The following TBATA variants were observed in gnomAD, a reference collection of about 807,000 sequenced individuals.
TBATA encodes thymus, brain and testes associated.
Under a neutral mutation model 38.7 loss-of-function variants are expected in TBATA, and 47 were observed. That is an observed-to-expected ratio of 1.21 (90% CI 0.96 to 1.55). The LOEUF (loss-of-function observed/expected upper bound fraction) is 1.55. Ranked by LOEUF, TBATA falls within the 40% of genes most tolerant of loss-of-function variation. The probability of loss-of-function intolerance (pLI) is 0.00; values close to 1 mark genes in which losing one functional copy is unlikely to be tolerated. For synonymous variants in TBATA, 183 were observed against 170.5 expected, an observed-to-expected ratio of 1.07 and a Z score of -0.57; for missense variants, 436 against 435.6, an observed-to-expected ratio of 1.00 and a Z score of -0.01.
intron 6 of TBATA, 43 bp from the exon 7 acceptor site, chr10:70,777,381 G>A: frequency 1.3e-6 from 2 of 1,577,598 alleles, no homozygotes; most frequent in South Asian, 1.1e-5. Context: ...TCAGCAAGAG[G>A]GGAGGAAGAG....
chr10:70,781,636 C>T (rs1233412132), intron 4 of TBATA, among the ~76,000 whole-genome samples, 165 bp downstream of exon 4: 1 of 152,224 alleles, frequency 6.6e-6, no homozygotes, highest in Non-Finnish European at 1.5e-5. Flanking sequence ...TTCTCTCCTG[C>T]CCACTGAGCA....
Position 70,771,444 on chromosome 10 carries a change from G to A in TBATA, c.991C>T (p.Gln331Ter). Residue 331 changes from glutamine (Q) to a stop codon, truncating the protein, a stop_gained, in exon 11 of 11, where the codon CAA becomes TAA. Coordinates refer to ENST00000456372, the MANE Select transcript of TBATA (RefSeq NM_001318241.2). LOFTEE classifies it low-confidence loss of function (END_TRUNC). ...SEKPEYIGEA[Q>*]VLQMHSSQNT... ...TGGCTTGAATGCATCTGGAGGACTT[G>A]AGCTTCTCCAATGTACTCTAGTGGG... is the stretch of plus-strand genomic sequence containing the variant. 2 of 1,614,078 alleles carry A rather than the reference G, an allele frequency of 1.2e-6. No homozygotes were observed. The highest frequency in any genetic ancestry group is 1.1e-5 in the South Asian group (1 of 91,070).
rs779998265 is a variant in TBATA at position 70,781,953 on chromosome 10, A to T, written c.125T>A (p.Val42Glu). 1 of 1,614,216 alleles carries T rather than the reference A, an allele frequency of 6.2e-7. No individual in the cohort carries two copies. Residue 42 changes from valine (V) to glutamate (E), a missense_variant, in exon 4 of 11, where the codon GTG (valine) becomes GAG (glutamate). Coordinates refer to ENST00000456372, the MANE Select transcript of TBATA (RefSeq NM_001318241.2). Reference protein sequence around the residue: ...PRDSGPQKELVIPGIVDFERI... With the variant: ...PRDSGPQKELEIPGIVDFERI... ...CTCGAAATCCACAATCCCTGGGATC[A>T]CCAGTTCTTTCTGTGGCCCACTGTC...
intron 6 of TBATA, 27 bp downstream of exon 6, chr10:70,778,530 A>G (rs764649565): frequency 6.2e-7 from 1 of 1,606,658 alleles, no homozygotes; most frequent in Non-Finnish European, 8.5e-7. Flanking sequence ...TCCTCTTCCC[A>G]GACTAGCTCC....
chr10:70,771,705 G>A (rs1842808717), intron 10 of TBATA, among the ~76,000 whole-genome samples: 1 of 152,128 alleles, frequency 6.6e-6, no homozygotes, highest in Non-Finnish European at 1.5e-5. Context: ...GTGCCTCTCT[G>A]CCAGGCACTC....
chr10:70,780,569 C>T (rs1038491807), intron 4 of TBATA, among the ~76,000 whole-genome samples: 2 of 147,108 alleles, frequency 1.4e-5, no homozygotes, highest in East Asian at 1.9e-4. Flanking sequence ...ACTTGAAACA[C>T]CCCCTCTCGA....
chr10:70,779,540 T>C, intron 5 of TBATA, 53 bp downstream of exon 5: 10 of 1,437,476 alleles, frequency 7.0e-6, no homozygotes, highest in Non-Finnish European at 7.3e-6. Context: ...TGAGGCAGCC[T>C]TGGGGAGAGG....
chr10:70,778,578 C>T lies in TBATA; in HGVS notation c.486G>A (p.Glu162=). 1.2e-6 allele frequency: 2 copies of T among 1,614,184 alleles called. No individual in the cohort carries two copies. Among genetic ancestry groups the T allele is most frequent in the Non-Finnish European group, 1.7e-6 (2 of 1,180,022 alleles). Residue 162 remains glutamate (E), a synonymous_variant, in exon 6 of 11, where the codon GAG becomes GAA. Coordinates refer to ENST00000456372, the MANE Select transcript of TBATA (RefSeq NM_001318241.2). The stretch of plus-strand genomic sequence containing the variant: ...CCACCTCTTTCTTCTTCAGTTCATC[C>T]TCCTTGGTGAGGAAGGCCACCCGGG... The part of the protein sequence containing the change: ...LASRVAFLTK[E]DELKKKEQKE...
At chr10:70,773,006 C>T (rs112758031) in intron 9 of TBATA, among the ~76,000 whole-genome samples, 1,805 of 152,326 alleles carry the variant, frequency 0.012, 22 homozygotes, top group Admixed American at 0.018. Flanking sequence ...TTGGGCTTTA[C>T]ATCTCCCCAT....
Position 70,774,330 on chromosome 10 carries a change from T to A in TBATA, c.803A>T (p.Gln268Leu). 6.2e-7 allele frequency: 1 copy of A among 1,603,544 alleles called. No individual in the cohort carries two copies. ...GGGAAGGAGCTGAGCCACTGCTGTC[T>A]GCAGGAGTCCCAGAGCGAGGTCTTT... ...KEKDLALGLL[Q>L]TAVAQLLPQP... The change falls in exon 9 of 11, where the codon CAG (glutamine) becomes CTG (leucine). Residue 268 changes from glutamine to leucine, a missense_variant. Gln to Leu is a moderately radical substitution (Grantham distance 113, BLOSUM62 -2). Transcript: ENST00000456372.
chr10:70,773,833 A>T (rs1255917366), intron 9 of TBATA, among the ~76,000 whole-genome samples: 1 of 152,198 alleles, frequency 6.6e-6, no homozygotes, highest in Non-Finnish European at 1.5e-5. Flanking sequence ...TTTCTCTTCC[A>T]GCCATCAGGG....
In TBATA at chr10:70,775,189, C is replaced by A; in HGVS notation, c.775G>T (p.Glu259Ter). 6.2e-7 allele frequency: 1 copy of A among 1,613,712 alleles called. No individual in the cohort carries two copies. The highest frequency in any genetic ancestry group is 8.5e-7 in the Non-Finnish European group (1 of 1,179,656). Residue 259 changes from glutamate (E) to a stop codon, truncating the protein, a stop_gained and splice_region_variant, in exon 8 of 11, where the codon GAA (glutamate) becomes TAA (stop). Coordinates refer to ENST00000456372, the MANE Select transcript of TBATA (RefSeq NM_001318241.2). LOFTEE classifies it high-confidence loss of function. ...QFWLLYAPPK[E>*]KDLALGLLQT... ...CAGTGCTGCGGGGCTGTGTCCTCAC[C>A]CTTGGGCGGAGCGTAGAGCAGCCAG... is the stretch of plus-strand genomic sequence containing the variant.
At position 70,774,251 on chromosome 10, in the gene TBATA, C is replaced by A. The variant is rs1424116320; in HGVS notation, c.882G>T (p.Val294=). ...TEKLLSQLPE[V]HEPPQEKQEP... is the part of the protein sequence containing the mutation. ...CTTGCTTCTCTTGAGGAGGTTCATG[C>A]ACTTCTGGAAGCTGGCTTAGGAGCT... Residue 294 remains valine, a synonymous_variant, in exon 9 of 11, where the codon GTG becomes GTT. Transcript: ENST00000456372. 6.2e-7 allele frequency: 1 copy of A among 1,612,326 alleles called. No homozygotes were observed. The highest frequency in any genetic ancestry group is 1.7e-5 in the Admixed American group (1 of 59,918).
At chr10:70,779,321 G>A (rs1164533802) in intron 5 of TBATA, among the ~76,000 whole-genome samples, 1 of 152,234 alleles carries the variant, frequency 6.6e-6, no homozygotes, top group African/African-American at 2.4e-5. Flanking sequence ...CATGACTGCA[G>A]GCTCAACATC....
At chr10:70,784,828 TGACGGTAA>T (rs917164951) in intron 1 of TBATA, 55 bp from the exon 2 acceptor site, 32 of 152,212 alleles carry the variant, frequency 2.1e-4, no homozygotes, top group African/African-American at 7.5e-4. Flanking sequence ...TTGGCTGTGA[TGACGGTAA>T]GAAATTCTTT....
At chr10:70,772,035 C>A (rs1041311064) in intron 10 of TBATA, among the ~76,000 whole-genome samples, 2 of 152,194 alleles carry the variant, frequency 1.3e-5, no homozygotes, top group Non-Finnish European at 2.9e-5. Flanking sequence ...AAGGCCCCAG[C>A]CACCATGGTC....
chr10:70,781,375 G>A (rs1349135809), intron 4 of TBATA, among the ~76,000 whole-genome samples: 1 of 152,196 alleles, frequency 6.6e-6, no homozygotes, highest in South Asian at 2.1e-4. Context: ...CTCCAGGAGG[G>A]GGGCCACCAT....
At chr10:70,779,824 A>G (rs555746634) in intron 4 of TBATA, 82 bp from the exon 5 acceptor site, 2 of 1,410,818 alleles carry the variant, frequency 1.4e-6, no homozygotes, top group African/African-American at 1.5e-5. Flanking sequence ...GCTGAGAGGC[A>G]GGGTGATTCC....
intron 9 of TBATA, among the ~76,000 whole-genome samples, chr10:70,772,950 C>A (rs182898230): frequency 3.2e-4 from 49 of 152,316 alleles, no homozygotes; most frequent in Admixed American, 2.9e-3. Context: ...AAGAACCCTG[C>A]GTCTTGAATG....
Sources: allele counts gnomAD v4.1 joint callset (sites outside exome capture counted in the v4.1 genomes callset), GRCh38; gene constraint gnomAD v4.1.1; transcripts MANE v1.5; gene names NCBI Gene and HGNC (gene_info 2026-07-23, HGNC 2026-07-21).